DNAH6: variants seen among roughly 807,000 people sequenced by gnomAD.
The protein encoded by DNAH6 is axonemal beta dynein heavy chain 6.
A neutral mutation model predicts 491.4 loss-of-function variants in DNAH6; 340 were observed. The observed-to-expected ratio is 0.69, with a 90% CI of 0.63 to 0.76. The LOEUF (loss-of-function observed/expected upper bound fraction) is 0.76. Ranked by LOEUF, DNAH6 falls within the 30% of genes least tolerant of loss-of-function variation. The pLI is 0.00. For missense variants in DNAH6, 4,443 were observed against 4,972.2 expected (o/e 0.89, Z 3.20); for synonymous variants, 1,603 against 1,686.1 (o/e 0.95, Z 1.21).
At chr2:84,527,821 T>C (rs912543707) in intron 3 of DNAH6, among the ~76,000 whole-genome samples, 4 of 152,208 alleles carry the variant, frequency 2.6e-5, no homozygotes, top group Non-Finnish European at 2.9e-5. Flanking sequence ...GGAGAAGTTG[T>C]TCCACAGAGC....
intron 17 of DNAH6, 123 bp from the exon 18 acceptor site, chr2:84,595,523 T>C: frequency 1.2e-6 from 1 of 864,424 alleles, no homozygotes. Flanking sequence ...ATTTAATAAG[T>C]AAAGCCATTT....
At chr2:84,616,742 C>T in intron 22 of DNAH6, 144 bp from the exon 23 acceptor site, 1 of 470,436 alleles carries the variant, frequency 2.1e-6, no homozygotes, top group Non-Finnish European at 3.8e-6. Flanking sequence ...TTGGATAATT[C>T]AAAGCATATT....
At chr2:84,620,306 C>T (rs1470147440) in intron 24 of DNAH6, among the ~76,000 whole-genome samples, 1 of 152,098 alleles carries the variant, frequency 6.6e-6, no homozygotes, top group African/African-American at 2.4e-5. Context: ...ATGATGAGCT[C>T]GTTCAGGGGA....
intron 62 of DNAH6, among the ~76,000 whole-genome samples, chr2:84,737,890 T>C (rs776623949): frequency 6.6e-6 from 1 of 152,100 alleles, no homozygotes; most frequent in South Asian, 2.1e-4. Context: ...TCATTTGTTT[T>C]ATTTTTCTAT....
chr2:84,467,561 T>C, the DNAH6 span, among the ~76,000 whole-genome samples: 1 of 152,080 alleles, frequency 6.6e-6, no homozygotes, highest in East Asian at 1.9e-4. Context: ...AGTTGTAGAG[T>C]GAGAGTCATA....
At position 84,621,367 on chromosome 2, in the gene DNAH6, T is replaced by A; in HGVS notation, c.3957+12T>A. 1 of 1,550,962 alleles carries A rather than the reference T, an allele frequency of 6.4e-7. No individual in the cohort carries two copies. ...GCCACCCTTCTCAAGTAACTCACACTCACATTTCATATCCCTGAATTCTTA... is the reference window on the plus strand; with the variant it reads ...GCCACCCTTCTCAAGTAACTCACACACACATTTCATATCCCTGAATTCTTA... On this transcript the variant is annotated intron_variant, in intron 25 of 76. Transcript: ENST00000389394.
chr2:84,706,944 C>T lies in DNAH6; in HGVS notation c.8776C>T (p.Leu2926=). The T allele has an allele frequency of 6.5e-7, 1 of 1,544,104 alleles. No homozygotes were observed. Among genetic ancestry groups the T allele is most frequent in the Non-Finnish European group, 8.7e-7 (1 of 1,145,556 alleles). ...MATLREKQAL[L]RQVEDQIQAL... ...TACCCTGAGAGAAAAGCAAGCATTA[C>T]TAAGACAAGTAGAAGATCAAATACA... The change falls in exon 53 of 77, where the codon CTA becomes TTA. Residue 2926 remains leucine (L), a synonymous_variant. Transcript: ENST00000389394.
At chr2:84,783,287 A>C (rs759279969) in intron 65 of DNAH6, among the ~76,000 whole-genome samples, 5 of 152,196 alleles carry the variant, frequency 3.3e-5, no homozygotes, top group Non-Finnish European at 5.9e-5. Context: ...CATCATGAAA[A>C]GTCCTGTACT....
chr2:84,579,062 C>T (rs1373015427), intron 13 of DNAH6, among the ~76,000 whole-genome samples: 2 of 152,154 alleles, frequency 1.3e-5, no homozygotes, highest in African/African-American at 2.4e-5. Flanking sequence ...TACCCAGTCT[C>T]GGGCAGTTCT....
intron 4 of DNAH6, among the ~76,000 whole-genome samples, chr2:84,532,587 TGTG>T (rs540887455): frequency 7.1e-4 from 108 of 152,288 alleles, no homozygotes; most frequent in Admixed American, 1.4e-3. Context: ...ACCCAACAAA[TGTG>T]GTGAAGCTGT....
chr2:84,790,920 A>G (rs1677669261), intron 68 of DNAH6, among the ~76,000 whole-genome samples: 1 of 152,190 alleles, frequency 6.6e-6, no homozygotes, highest in Admixed American at 6.5e-5. Flanking sequence ...GGCCGGGCGC[A>G]GTGGCTCACG....
At chr2:84,553,215 C>T (rs1679577724) in intron 10 of DNAH6, among the ~76,000 whole-genome samples, 181 bp downstream of exon 10, 1 of 152,148 alleles carries the variant, frequency 6.6e-6, no homozygotes, top group Non-Finnish European at 1.5e-5. Flanking sequence ...AAAAGTTTAG[C>T]ACATTATCTT....
chr2:84,715,497 A>G, intron 57 of DNAH6, 63 bp from the exon 58 acceptor site: 2 of 1,478,978 alleles, frequency 1.4e-6, no homozygotes, highest in South Asian at 1.2e-5. Flanking sequence ...GTGTTCTAAT[A>G]AAGAAAGGTA....
chr2:84,702,665 C>A (rs1696037654), intron 49 of DNAH6, among the ~76,000 whole-genome samples: 5 of 151,792 alleles, frequency 3.3e-5, no homozygotes, highest in Admixed American at 3.3e-4. Flanking sequence ...GCCTCAGCCT[C>A]CCAAGTAGCT....
the DNAH6 span, among the ~76,000 whole-genome samples, chr2:84,465,231 A>G: frequency 1.3e-5 from 2 of 152,290 alleles, no homozygotes; most frequent in South Asian, 4.1e-4. Flanking sequence ...CGTGGTGGCT[A>G]ACGCCTGTAA....
chr2:84,599,506 A>T (rs1685015684), intron 18 of DNAH6, among the ~76,000 whole-genome samples: 1 of 152,106 alleles, frequency 6.6e-6, no homozygotes, highest in African/African-American at 2.4e-5. Flanking sequence ...TAATTTTTTC[A>T]TAAATATGAG....
intron 44 of DNAH6, among the ~76,000 whole-genome samples, chr2:84,688,032 C>G (rs753571351): frequency 6.6e-6 from 1 of 151,882 alleles, no homozygotes; most frequent in South Asian, 2.1e-4. Flanking sequence ...GTCAGGAGCT[C>G]GAGATCAGCC....
intron 23 of DNAH6, among the ~76,000 whole-genome samples, chr2:84,617,383 A>C (rs1686961673): frequency 6.6e-6 from 1 of 152,068 alleles, no homozygotes; most frequent in Admixed American, 6.6e-5. Flanking sequence ...GTTATTTTTA[A>C]ATGCACAATT....
intron 63 of DNAH6, among the ~76,000 whole-genome samples, chr2:84,748,121 G>A (rs1336649294): frequency 6.6e-6 from 1 of 152,050 alleles, no homozygotes; most frequent in East Asian, 1.9e-4. Context: ...TTTTCCCCCT[G>A]CCTTGAATGG....
Sources: gnomAD v4.1 joint callset for allele counts (sites outside exome capture counted in the v4.1 genomes callset) on GRCh38, gnomAD v4.1.1 for gene constraint, MANE v1.5 for transcripts, NCBI Gene and HGNC (gene_info 2026-07-23, HGNC 2026-07-21) for gene names.